Variants in SMYD1 observed in about 807,000 individuals in gnomAD.
SMYD1 encodes SET and MYND domain containing 1.
SMYD1 carries 49 observed loss-of-function variants against 54.0 expected under a neutral mutation model. That is an observed-to-expected ratio of 0.91 (90% CI 0.72 to 1.15). SMYD1 has a LOEUF of 1.15. SMYD1 is among the 50% of genes most tolerant of loss of function. The pLI, the probability that SMYD1 is intolerant of heterozygous loss-of-function variation, is 0.00. For synonymous variants in SMYD1, 269 were observed against 234.2 expected, an observed-to-expected ratio of 1.15 and a Z score of -1.36; for missense variants, 653 against 639.6, an observed-to-expected ratio of 1.02 and a Z score of -0.23.
chr2:88,087,261 T>C (rs1674350919), intron 2 of SMYD1, among the ~76,000 whole-genome samples: 1 of 151,970 alleles, frequency 6.6e-6, no homozygotes, highest in Non-Finnish European at 1.5e-5. Context: ...CAGTAAGAAG[T>C]GGAAACAGGT....
Position 88,067,974 on chromosome 2 carries a change from G to C in SMYD1, c.110G>C (p.Arg37Pro), listed in dbSNP as rs745334056. The C allele has an allele frequency of 6.2e-7, 1 of 1,613,756 alleles. No homozygotes were observed. The highest frequency in any genetic ancestry group is 8.5e-7 in the Non-Finnish European group (1 of 1,180,020). Residue 37 changes from arginine (R) to proline (P), a missense_variant, in exon 1 of 10, where the codon CGG becomes CCG. Transcript: ENST00000419482. ...GCTGCAGATATCATCTTTGCTGAGC[G>C]GGCTTATTCCGCAGTGGTTTTTGAC... ...FWAADIIFAE[R>P]AYSAVVFDSL...
At chr2:88,079,965 A>T (rs546772655) in intron 1 of SMYD1, among the ~76,000 whole-genome samples, 19 of 152,376 alleles carry the variant, frequency 1.2e-4, no homozygotes, top group African/African-American at 4.6e-4. Context: ...GCTCTTGGGT[A>T]AACCTCATTT....
Position 88,103,128 on chromosome 2 carries a change from G to C in SMYD1, c.959G>C (p.Arg320Pro), listed in dbSNP as rs140170852. 6.2e-7 allele frequency: 1 copy of C among 1,613,592 alleles called. No individual in the cohort carries two copies. Among genetic ancestry groups the C allele is most frequent in the Non-Finnish European group, 8.5e-7 (1 of 1,179,812 alleles). The change falls in exon 7 of 10, where the codon CGT becomes CCT. Residue 320 changes from arginine (R) to proline (P), a missense_variant. Coordinates refer to ENST00000419482, the MANE Select transcript of SMYD1 (RefSeq NM_198274.4). Reference sequence around the variant, plus strand: ...ACATTGGAAAAGATAGACAAGGCTCGTTCCGAGGGTTTGTATCATGAGGTA... The same window carrying C: ...ACATTGGAAAAGATAGACAAGGCTCCTTCCGAGGGTTTGTATCATGAGGTA... ...KDTLEKIDKA[R>P]SEGLYHEVVK...
In SMYD1 at chr2:88,087,911, A is replaced by G. The variant is rs1484330694; in HGVS notation, c.364A>G (p.Thr122Ala). 1 of 1,611,902 alleles carries G rather than the reference A, an allele frequency of 6.2e-7. No homozygotes were observed. Among genetic ancestry groups the G allele is most frequent in the Admixed American group, 1.7e-5 (1 of 59,930 alleles). The change falls in exon 3 of 10, where the codon ACG (threonine) becomes GCG (alanine). Residue 122 changes from threonine (T) to alanine (A), a missense_variant. Thr to Ala is a moderately conservative substitution (Grantham distance 58). Transcript: ENST00000419482. ...WRVEREGTGL[T>A]EGCLVSVDDL... Reference sequence around the variant, plus strand: ...GGTGGAGAGAGAAGGCACCGGGCTCACGGAGGGCTGCCTGGTGTCCGTGGA... The same window carrying G: ...GGTGGAGAGAGAAGGCACCGGGCTCGCGGAGGGCTGCCTGGTGTCCGTGGA...
At chr2:88,100,541 C>T (rs773190642) in intron 6 of SMYD1, among the ~76,000 whole-genome samples, 5 of 152,126 alleles carry the variant, frequency 3.3e-5, no homozygotes, top group African/African-American at 4.8e-5. Flanking sequence ...CAATAAGCTA[C>T]GGCTATAACT....
intron 1 of SMYD1, among the ~76,000 whole-genome samples, chr2:88,074,907 A>T (rs1674026004): frequency 6.6e-6 from 1 of 152,232 alleles, no homozygotes; most frequent in Non-Finnish European, 1.5e-5. Context: ...CTGTGTGAGC[A>T]TGTGGGAATG....
At chr2:88,101,441 T>C (rs1382113152) in intron 6 of SMYD1, among the ~76,000 whole-genome samples, 1 of 152,214 alleles carries the variant, frequency 6.6e-6, no homozygotes, top group Non-Finnish European at 1.5e-5. Context: ...AAAAATGCTA[T>C]AGACAGATAT....
chr2:88,091,281 A>C, intron 4 of SMYD1, 139 bp downstream of exon 4: 4 of 908,752 alleles, frequency 4.4e-6, no homozygotes, highest in Non-Finnish European at 6.5e-6. Flanking sequence ...TAGAAATCTC[A>C]TTCCAGAATA....
chr2:88,074,823 G>C (rs1350877466), intron 1 of SMYD1, among the ~76,000 whole-genome samples: 3 of 152,170 alleles, frequency 2.0e-5, no homozygotes, highest in Non-Finnish European at 2.9e-5. Context: ...TGTCAACCAG[G>C]CTTTTTTTGA....
At chr2:88,083,252 A>G (rs181286191) in intron 1 of SMYD1, 17 of 152,282 alleles carry the variant, frequency 1.1e-4, no homozygotes, top group Non-Finnish European at 2.4e-4. Context: ...TTGTGGGAGC[A>G]TGAGGTTGAG....
intron 6 of SMYD1, 144 bp from the exon 7 acceptor site, chr2:88,102,914 G>GGTA (rs1674753242): frequency 4.8e-6 from 3 of 624,728 alleles, no homozygotes; most frequent in Middle Eastern, 4.4e-4. Context: ...CAGGATCTTG[G>GGTA]GTAGCATTTA....
intron 3 of SMYD1, among the ~76,000 whole-genome samples, chr2:88,088,757 G>A (rs2103994217): frequency 6.6e-6 from 1 of 152,310 alleles, no homozygotes; most frequent in East Asian, 1.9e-4. Context: ...CTGCCAGGCA[G>A]GATTGATGTG....
chr2:88,095,797 C>A lies in SMYD1; in HGVS notation c.699-798C>A, dbSNP rs930870490. On this transcript the variant is annotated intron_variant, in intron 5 of 9. Transcript: ENST00000419482. ...GAGAGGTCCACGGACTGACCTCCAC[C>A]TGTTTGGCTCAGCTGGATGTCAGTT... 5.3e-5 allele frequency among the ~76,000 whole-genome samples: 8 copies of A among 152,216 alleles called. No homozygotes were observed. The East Asian group carries it at 1.5e-3, about 29-fold the overall frequency.
At chr2:88,092,848 G>T (rs909338821) in intron 4 of SMYD1, among the ~76,000 whole-genome samples, 3 of 152,224 alleles carry the variant, frequency 2.0e-5, no homozygotes, top group East Asian at 1.9e-4. Context: ...GGCTCCTCTT[G>T]TCATTGGGTG....
chr2:88,068,842 A>G (rs1673889388), intron 1 of SMYD1, among the ~76,000 whole-genome samples: 1 of 152,200 alleles, frequency 6.6e-6, no homozygotes, highest in Non-Finnish European at 1.5e-5. Context: ...TAAATATATG[A>G]CATTTTATTT....
chr2:88,084,515 G>T, intron 2 of SMYD1, 23 bp downstream of exon 2: 1 of 1,551,630 alleles, frequency 6.4e-7, no homozygotes, highest in South Asian at 1.2e-5. Flanking sequence ...CACCCTGGTG[G>T]TGCTTCAGAT....
At chr2:88,096,875 C>A in intron 6 of SMYD1, 91 bp downstream of exon 6, 1 of 1,310,452 alleles carries the variant, frequency 7.6e-7, no homozygotes, top group Non-Finnish European at 1.0e-6. Flanking sequence ...GTGCCCTGCC[C>A]ATGAGCTTCC....
At chr2:88,086,629 G>A (rs544569882) in intron 2 of SMYD1, among the ~76,000 whole-genome samples, 58 of 152,194 alleles carry the variant, frequency 3.8e-4, no homozygotes, top group Non-Finnish European at 6.9e-4. Flanking sequence ...CGAGGCCTCC[G>A]CTCACACTGT....
chr2:88,107,147 G>A (rs552248955), intron 8 of SMYD1, among the ~76,000 whole-genome samples: 1 of 152,130 alleles, frequency 6.6e-6, no homozygotes, highest in African/African-American at 2.4e-5. Flanking sequence ...CTTGCAGTGA[G>A]CCTAGACTGC....
Sources: gnomAD v4.1 joint callset for allele counts (sites outside exome capture counted in the v4.1 genomes callset) on GRCh38, gnomAD v4.1.1 for gene constraint, MANE v1.5 for transcripts, NCBI Gene and HGNC (gene_info 2026-07-23, HGNC 2026-07-21) for gene names.